NCK2: variants seen among roughly 807,000 people sequenced by gnomAD.
The protein encoded by NCK2 is cytoplasmic protein NCK2.
Under a neutral mutation model 33.9 loss-of-function variants are expected in NCK2, and 16 were observed. The observed-to-expected ratio is 0.47, with a 90% CI of 0.32 to 0.72. NCK2 has a LOEUF of 0.72. NCK2 is among the 30% of genes least tolerant of loss of function. The pLI is 0.03. For missense variants in NCK2, 418 were observed against 537.3 expected, an observed-to-expected ratio of 0.78 and a Z score of 2.19; for synonymous variants, 273 against 239.9, an observed-to-expected ratio of 1.14 and a Z score of -1.27.
intron 3 of NCK2, among the ~76,000 whole-genome samples, chr2:105,877,186 ACTC>A (rs1678269663): frequency 6.7e-6 from 1 of 150,126 alleles, no homozygotes; most frequent in South Asian, 2.1e-4. Context: ...TTCTCTTCCC[ACTC>A]CTCCTCCTAC....
chr2:105,850,886 A>G (rs994377039), intron 2 of NCK2, among the ~76,000 whole-genome samples: 7 of 152,192 alleles, frequency 4.6e-5, no homozygotes, highest in Non-Finnish European at 8.8e-5. Flanking sequence ...GTTCAAATCC[A>G]TCCTGCACCA....
At chr2:105,879,576 A>C (rs1002057228) in intron 3 of NCK2, among the ~76,000 whole-genome samples, 4 of 152,268 alleles carry the variant, frequency 2.6e-5, no homozygotes, top group African/African-American at 9.6e-5. Context: ...CATGCATAAA[A>C]TGTGGTACAA....
intron 2 of NCK2, among the ~76,000 whole-genome samples, chr2:105,841,025 A>G (rs959101450): frequency 6.6e-6 from 1 of 152,190 alleles, no homozygotes; most frequent in Non-Finnish European, 1.5e-5. Flanking sequence ...TCTACCTTCT[A>G]ATTCTCCACA....
chr2:105,811,156 A>G (rs1675280729), intron 1 of NCK2, among the ~76,000 whole-genome samples: 2 of 71,392 alleles, frequency 2.8e-5, no homozygotes, highest in Non-Finnish European at 5.7e-5. Flanking sequence ...GCCTGGTGAC[A>G]GAGTGCAAAA....
At chr2:105,802,465 A>G (rs1674877005) in intron 1 of NCK2, among the ~76,000 whole-genome samples, 1 of 152,246 alleles carries the variant, frequency 6.6e-6, no homozygotes, top group Non-Finnish European at 1.5e-5. Context: ...GAGGTACAGG[A>G]AGCATGGTGC....
chr2:105,745,532 T>C (rs1689252754), intron 1 of NCK2, among the ~76,000 whole-genome samples: 1 of 151,958 alleles, frequency 6.6e-6, no homozygotes, highest in South Asian at 2.1e-4. Flanking sequence ...AGCTCGGGGC[T>C]AGCGTGGGAC....
chr2:105,757,671 T>C (rs1689636847), intron 1 of NCK2, among the ~76,000 whole-genome samples: 1 of 152,100 alleles, frequency 6.6e-6, no homozygotes. Context: ...AGTGTGGAGA[T>C]CTTACAAGCT....
At chr2:105,819,530 G>A (rs1014685328) in intron 2 of NCK2, among the ~76,000 whole-genome samples, 1 of 152,070 alleles carries the variant, frequency 6.6e-6, no homozygotes, top group Admixed American at 6.5e-5. Context: ...GGTCTTGATC[G>A]TCAGTGACAT....
chr2:105,762,915 C>T (rs1184254216), intron 1 of NCK2, among the ~76,000 whole-genome samples: 6 of 152,108 alleles, frequency 3.9e-5, no homozygotes. Context: ...CAACCTGAGG[C>T]CAGGCGCAGT....
At chr2:105,835,425 T>TATATATACGTGTATATATATGTGTATA (rs1175205835) in intron 2 of NCK2, among the ~76,000 whole-genome samples, 3 of 10,956 alleles carry the variant, frequency 2.7e-4, no homozygotes, top group Admixed American at 1.4e-3. Flanking sequence ...ATATATATAT[T>TATATATACGTGTATATATATGTGTATA]TTTTTTTTGG....
At chr2:105,848,160 T>C (rs748414848) in intron 2 of NCK2, among the ~76,000 whole-genome samples, 1 of 152,198 alleles carries the variant, frequency 6.6e-6, no homozygotes, top group Non-Finnish European at 1.5e-5. Context: ...CAGCACAGAC[T>C]GAGTGTTAGG....
At chr2:105,754,524 A>T (rs531543303) in intron 1 of NCK2, among the ~76,000 whole-genome samples, 1 of 152,182 alleles carries the variant, frequency 6.6e-6, no homozygotes, top group Admixed American at 6.5e-5. Flanking sequence ...GCTACAGGAG[A>T]GGAGAGCAGT....
At chr2:105,826,452 T>C (rs1456156748) in intron 2 of NCK2, among the ~76,000 whole-genome samples, 3 of 152,180 alleles carry the variant, frequency 2.0e-5, no homozygotes, top group African/African-American at 7.2e-5. Flanking sequence ...GCTTGTAGTG[T>C]GGATGATATG....
intron 2 of NCK2, among the ~76,000 whole-genome samples, chr2:105,841,232 C>G (rs1181624978): frequency 6.6e-6 from 1 of 152,198 alleles, no homozygotes; most frequent in Non-Finnish European, 1.5e-5. Flanking sequence ...ACCTACCTTC[C>G]CCTACTTTAA....
chr2:105,802,776 G>A (rs542458838), intron 1 of NCK2, among the ~76,000 whole-genome samples: 7 of 152,294 alleles, frequency 4.6e-5, no homozygotes, highest in Admixed American at 2.6e-4. Context: ...ATATTCAAAC[G>A]GTAGCAACAT....
intron 1 of NCK2, among the ~76,000 whole-genome samples, chr2:105,793,272 G>C (rs1690959101): frequency 6.6e-6 from 1 of 151,318 alleles, no homozygotes; most frequent in African/African-American, 2.5e-5. Context: ...CTGTTTTTTT[G>C]TCCCCTTATG....
intron 2 of NCK2, among the ~76,000 whole-genome samples, chr2:105,826,052 A>C (rs1256758573): frequency 6.6e-6 from 1 of 152,152 alleles, no homozygotes; most frequent in Non-Finnish European, 1.5e-5. Flanking sequence ...CTGTTTTCCT[A>C]CTGCAATAAA....
chr2:105,746,352 C>T (rs1276569100), intron 1 of NCK2, among the ~76,000 whole-genome samples: 2 of 152,172 alleles, frequency 1.3e-5, no homozygotes, highest in Non-Finnish European at 2.9e-5. Context: ...AGGGGAGTCC[C>T]TTCCTGGCCC....
At chr2:105,787,267 G>C (rs1690711790) in intron 1 of NCK2, among the ~76,000 whole-genome samples, 1 of 152,224 alleles carries the variant, frequency 6.6e-6, no homozygotes, top group Non-Finnish European at 1.5e-5. Flanking sequence ...ATATCTGTAG[G>C]CTTGGGCTGA....
Sources: allele counts gnomAD v4.1 joint callset (sites outside exome capture counted in the v4.1 genomes callset), GRCh38; gene constraint gnomAD v4.1.1; transcripts MANE v1.5; gene names NCBI Gene and HGNC (gene_info 2026-07-23, HGNC 2026-07-21).